The following ZMAT4 variants were observed in gnomAD, a reference collection of about 807,000 sequenced individuals.
The protein encoded by ZMAT4 is zinc finger matrin-type protein 4.
Under a neutral mutation model 28.7 loss-of-function variants are expected in ZMAT4, and 17 were observed. The ratio of observed to expected loss-of-function variants is 0.59; its 90% CI spans 0.41 to 0.89. ZMAT4 has a LOEUF of 0.89. Among genes scored for constraint, ZMAT4 ranks in the 40% least tolerant of loss-of-function variants. The probability of loss-of-function intolerance (pLI) is 0.00; values close to 1 mark genes in which losing one functional copy is unlikely to be tolerated. For synonymous variants in ZMAT4, 117 were observed against 109.2 expected (o/e 1.07, Z -0.44); for missense variants, 240 against 283.8 (o/e 0.85, Z 1.11).
At chr8:40,610,642 G>T (rs894943893) in intron 5 of ZMAT4, among the ~76,000 whole-genome samples, 7 of 151,932 alleles carry the variant, frequency 4.6e-5, no homozygotes, top group African/African-American at 7.3e-5. Context: ...AATTTAATTC[G>T]GTTATCTTCT....
At chr8:40,794,563 G>A (rs1814503509) in intron 2 of ZMAT4, among the ~76,000 whole-genome samples, 1 of 152,156 alleles carries the variant, frequency 6.6e-6, no homozygotes, top group Non-Finnish European at 1.5e-5. Context: ...TTAGGGATGG[G>A]GGAAAGACAA....
intron 2 of ZMAT4, among the ~76,000 whole-genome samples, chr8:40,784,398 A>G (rs779863436): frequency 2.6e-5 from 4 of 152,190 alleles, no homozygotes; most frequent in Non-Finnish European, 5.9e-5. Context: ...TCAAGTAGCT[A>G]GGGAAAGATA....
At chr8:40,557,142 C>T (rs1301022008) in intron 6 of ZMAT4, among the ~76,000 whole-genome samples, 3 of 152,032 alleles carry the variant, frequency 2.0e-5, no homozygotes, top group African/African-American at 7.2e-5. Context: ...TCAAGTTTCA[C>T]CCAAAGGAAA....
Position 40,680,542 on chromosome 8 carries a change from T to C in ZMAT4, c.350-5611A>G, listed in dbSNP as rs868120019. 2.0e-5 allele frequency among the ~76,000 whole-genome samples: 3 copies of C among 152,162 alleles called. 1 individual carries two copies. In the South Asian group the frequency reaches 6.2e-4, roughly 32 times the overall value. On this transcript the variant is annotated intron_variant, in intron 4 of 6. Coordinates refer to ENST00000297737, the MANE Select transcript of ZMAT4 (RefSeq NM_024645.3). ...CTGTCAGACCACCAGGTGGGCGTCATTAGCTGGGGAAGAGGGTGACACCGT... is the reference window on the plus strand; with the variant it reads ...CTGTCAGACCACCAGGTGGGCGTCACTAGCTGGGGAAGAGGGTGACACCGT...
chr8:40,723,542 CAA>C (rs58513087), intron 3 of ZMAT4, among the ~76,000 whole-genome samples: 373 of 66,830 alleles, frequency 5.6e-3, no homozygotes, highest in African/African-American at 0.021. Context: ...GATTCCATCT[CAA>C]AAAAAAAAAA....
At chr8:40,830,977 C>G (rs775348961) in intron 1 of ZMAT4, among the ~76,000 whole-genome samples, 1 of 151,664 alleles carries the variant, frequency 6.6e-6, no homozygotes, top group East Asian at 1.9e-4. Flanking sequence ...AGCAGAGACA[C>G]GCAAAAAGGG....
intron 5 of ZMAT4, among the ~76,000 whole-genome samples, chr8:40,631,618 G>A (rs1222197732): frequency 6.6e-6 from 1 of 152,202 alleles, no homozygotes; most frequent in Non-Finnish European, 1.5e-5. Flanking sequence ...AGAGGGATCA[G>A]GAGATGGGGG....
chr8:40,887,936 A>C (rs764824855), intron 1 of ZMAT4, among the ~76,000 whole-genome samples: 2 of 151,988 alleles, frequency 1.3e-5, no homozygotes, highest in African/African-American at 2.4e-5. Flanking sequence ...GCCAGGTCTC[A>C]GCTCCAGATC....
chr8:40,667,147 AT>A (rs933622552), intron 5 of ZMAT4, among the ~76,000 whole-genome samples: 9 of 149,840 alleles, frequency 6.0e-5, no homozygotes, highest in Non-Finnish European at 1.0e-4. Context: ...TTTTTTTTTT[AT>A]TTTTTTTATT....
At chr8:40,752,451 T>G (rs1367880142) in intron 3 of ZMAT4, among the ~76,000 whole-genome samples, 1 of 152,162 alleles carries the variant, frequency 6.6e-6, no homozygotes, top group African/African-American at 2.4e-5. Context: ...AAACTGCATC[T>G]TCATGCAACT....
At chr8:40,697,514 G>T in intron 3 of ZMAT4, 113 bp from the exon 4 acceptor site, 4 of 1,104,684 alleles carry the variant, frequency 3.6e-6, no homozygotes, top group Admixed American at 4.6e-5. Context: ...TGTTCTGCAA[G>T]CTGTCTCTCT....
intron 1 of ZMAT4, among the ~76,000 whole-genome samples, chr8:40,834,648 C>A (rs1017925303): frequency 6.6e-6 from 1 of 152,268 alleles, no homozygotes; most frequent in Non-Finnish European, 1.5e-5. Context: ...GCACACACCA[C>A]CCTCCATAAA....
chr8:40,677,070 G>T (rs1585862958), intron 4 of ZMAT4, among the ~76,000 whole-genome samples: 2 of 152,228 alleles, frequency 1.3e-5, no homozygotes, highest in East Asian at 3.9e-4. Flanking sequence ...ATGAATAAAT[G>T]TTGACTCTTG....
intron 6 of ZMAT4, among the ~76,000 whole-genome samples, chr8:40,564,296 C>T (rs1003469730): frequency 6.6e-5 from 10 of 152,052 alleles, no homozygotes; most frequent in African/African-American, 9.7e-5. Flanking sequence ...TTTTATAAGT[C>T]GAGAGTATAT....
At chr8:40,646,268 C>T (rs140829946) in intron 5 of ZMAT4, among the ~76,000 whole-genome samples, 7 of 151,440 alleles carry the variant, frequency 4.6e-5, no homozygotes, top group East Asian at 1.9e-4. Context: ...TTCCTCTCTT[C>T]GTGCTTTTTT....
chr8:40,841,169 G>A (rs570020168), intron 1 of ZMAT4, among the ~76,000 whole-genome samples: 11 of 152,334 alleles, frequency 7.2e-5, no homozygotes, highest in Middle Eastern at 3.4e-3. Flanking sequence ...ACGTAGTAGA[G>A]TCTAAAGTGT....
At chr8:40,788,175 A>G (rs1814163291) in intron 2 of ZMAT4, among the ~76,000 whole-genome samples, 1 of 152,118 alleles carries the variant, frequency 6.6e-6, no homozygotes. Flanking sequence ...AAAAAACATG[A>G]CTCCTTCTAC....
At chr8:40,574,781 G>A (rs557754531) in intron 6 of ZMAT4, among the ~76,000 whole-genome samples, 7 of 152,184 alleles carry the variant, frequency 4.6e-5, no homozygotes, top group African/African-American at 1.2e-4. Flanking sequence ...AAGTACCCTC[G>A]CCAGCCCACA....
intron 2 of ZMAT4, among the ~76,000 whole-genome samples, chr8:40,810,331 C>T (rs928640583): frequency 9.2e-5 from 14 of 152,114 alleles, no homozygotes; most frequent in Non-Finnish European, 1.9e-4. Context: ...TTGTCCCTCT[C>T]AGATATTAAA....
Sources: gnomAD v4.1 joint callset for allele counts (sites outside exome capture counted in the v4.1 genomes callset) on GRCh38, gnomAD v4.1.1 for gene constraint, MANE v1.5 for transcripts, NCBI Gene and HGNC (gene_info 2026-07-23, HGNC 2026-07-21) for gene names.